The following FBLN1 variants were observed in gnomAD, a reference collection of about 807,000 sequenced individuals.
The protein encoded by FBLN1 is fibulin 1.
Under a neutral mutation model 89.7 loss-of-function variants are expected in FBLN1, and 34 were observed. The ratio of observed to expected loss-of-function variants is 0.38; its 90% CI spans 0.29 to 0.50. The LOEUF is 0.50. FBLN1 is among the 20% of genes least tolerant of loss of function. The pLI is 0.92. For missense variants in FBLN1, 777 were observed against 988.1 expected, an observed-to-expected ratio of 0.79 and a Z score of 2.86; for synonymous variants, 393 against 391.3, an observed-to-expected ratio of 1.00 and a Z score of -0.05.
rs545987013 is a variant in FBLN1 at position 45,538,377 on chromosome 22, C to T, written c.923-2852C>T. Among the ~76,000 whole-genome samples the T allele has an allele frequency of 9.8e-5, 15 of 152,330 alleles. 1 individual carries two copies. Among genetic ancestry groups the T allele is most frequent in the South Asian group, 8.3e-4 (4 of 4,832 alleles). Reference sequence around the variant, plus strand: ...ACAAAACCTAAGTGTAGGAAGTAAACGCTCCTCCCCTGGCCAATCCTGCCC... The same window carrying T: ...ACAAAACCTAAGTGTAGGAAGTAAATGCTCCTCCCCTGGCCAATCCTGCCC... On this transcript the variant is annotated intron_variant, in intron 8 of 16. Transcript: ENST00000327858.
intron 4 of FBLN1, 80 bp downstream of exon 4, chr22:45,528,089 G>C (rs147271119): frequency 2.6e-6 from 4 of 1,532,120 alleles, no homozygotes; most frequent in East Asian, 2.3e-5. Context: ...AGTGGAGAGA[G>C]AGAGATTTTA....
At chr22:45,507,677 G>A (rs892876171) in intron 1 of FBLN1, among the ~76,000 whole-genome samples, 10 of 151,996 alleles carry the variant, frequency 6.6e-5, no homozygotes, top group Admixed American at 2.6e-4. Context: ...ACAGGCATGC[G>A]CCACCACACC....
chr22:45,509,927 G>T (rs982644104), intron 1 of FBLN1, among the ~76,000 whole-genome samples: 7 of 152,126 alleles, frequency 4.6e-5, no homozygotes, highest in African/African-American at 9.7e-5. Flanking sequence ...GTGAGTCCGG[G>T]AGGCACACAG....
At position 45,519,087 on chromosome 22, in the gene FBLN1, A is replaced by G. The variant is rs117655959; in HGVS notation, c.185+300A>G. Among the ~76,000 whole-genome samples, 6,721 of 130,460 alleles carry G rather than the reference A, an allele frequency of 0.052. 208 individuals are homozygous for G. The highest frequency in any genetic ancestry group is 0.091 in the Middle Eastern group (23 of 252). 85.6% of individuals were successfully genotyped at this position (130,460 alleles called of 152,430 possible). ...TGTGGGCAAGTCAGTTTTCTCTTTT[A>G]AAAAAGGGGGGACAGTTGTGGGGGA... On this transcript the variant is annotated intron_variant, in intron 2 of 16. Coordinates refer to ENST00000327858, the MANE Select transcript of FBLN1 (RefSeq NM_006486.3).
rs1457902971 is a variant in FBLN1 at position 45,580,324 on chromosome 22, C to T, written c.1972+3216C>T. Among the ~76,000 whole-genome samples the T allele has an allele frequency of 6.6e-6, 1 of 152,136 alleles. No individual in the cohort carries two copies. Among genetic ancestry groups the T allele is most frequent in the Non-Finnish European group, 1.5e-5 (1 of 68,032 alleles). ...GTGCAGCTCTGTGCTGCCTGCAGCA[C>T]ACGGCAGGGAACGCCGCCTACTCAC... is the stretch of plus-strand genomic sequence containing the variant. On this transcript the variant is annotated intron_variant, in intron 16 of 16. Coordinates refer to ENST00000327858, the MANE Select transcript of FBLN1 (RefSeq NM_006486.3). This position sits in a 1 kb window ranked among gnomAD's most constrained non-coding sequence, Gnocchi z 8.6.
rs1350747843 is a variant in FBLN1 at position 45,550,910 on chromosome 22, CT to C, written c.1697+297del. The C allele has an allele frequency of 4.2e-6, 2 of 476,630 alleles. No homozygotes were observed. Among genetic ancestry groups the C allele is most frequent in the East Asian group, 8.2e-5 (2 of 24,284 alleles). The allele number at this position is 476,630 out of a possible 1,614,324, so 29.5% of individuals were successfully genotyped here. ...CCCTCTTTTTTCCTAGGGTGGAAGC[CT>C]TGGGCAAGCTCTCTGGGCCTCAGTT... On this transcript the variant is annotated intron_variant, in intron 14 of 16. Coordinates refer to ENST00000327858, the MANE Select transcript of FBLN1 (RefSeq NM_006486.3). The surrounding 1 kb of genome is among the most constrained non-coding windows in gnomAD (Gnocchi z 8.4).
chr22:45,534,295 A>C (rs1464187826), intron 7 of FBLN1, among the ~76,000 whole-genome samples: 1 of 3,898 alleles, frequency 2.6e-4, no homozygotes, highest in East Asian at 0.016. Context: ...CTTTCTACAA[A>C]AAAAAAAAAA....
rs755416957 is a variant in FBLN1 at position 45,533,836 on chromosome 22, G to T, written c.722G>T (p.Arg241Leu). 6.2e-6 allele frequency: 10 copies of T among 1,613,988 alleles called. No homozygotes were observed. The highest frequency in any genetic ancestry group is 7.6e-6 in the Non-Finnish European group (9 of 1,180,016). ...TGCATCAACACAGTGGGCTCTTTCC[G>T]CTGCCAGCGGGACAGCAGCTGCGGG... The part of the protein sequence containing the change: ...ESCINTVGSF[R>L]CQRDSSCGTG... Residue 241 changes from arginine to leucine, a missense_variant, in exon 7 of 17, where the codon CGC becomes CTC. By Grantham distance (102) the Arg-to-Leu change is moderately radical. Transcript: ENST00000327858.
In FBLN1 at chr22:45,577,473, C is replaced by T. The variant is rs1033780794; in HGVS notation, c.1972+365C>T. ...TGTCCTGAGGGCTGGCACAGTCCCG[C>T]GGTCGGTGGGAGCTAAGGGGATTGT... is the stretch of plus-strand genomic sequence containing the variant. On this transcript the variant is annotated intron_variant, in intron 16 of 16. Coordinates refer to ENST00000327858, the MANE Select transcript of FBLN1 (RefSeq NM_006486.3). The surrounding 1 kb of genome is among the most constrained non-coding windows in gnomAD (Gnocchi z 6.6). Among the ~76,000 whole-genome samples, 16 of 152,310 alleles carry T rather than the reference C, an allele frequency of 1.1e-4. No individual in the cohort carries two copies. The highest frequency in any genetic ancestry group is 2.2e-4 in the African/African-American group (9 of 41,568).
In FBLN1 at chr22:45,577,494, A is replaced by G. The variant is rs2089007817; in HGVS notation, c.1972+386A>G. Among the ~76,000 whole-genome samples, 1 of 151,804 alleles carries G rather than the reference A, an allele frequency of 6.6e-6. No individual in the cohort carries two copies. Among genetic ancestry groups the G allele is most frequent in the Admixed American group, 6.6e-5 (1 of 15,222 alleles). ...CCCGCGGTCGGTGGGAGCTAAGGGG[A>G]TTGTTATTCTTGGGGTGCAATGGGA... On this transcript the variant is annotated intron_variant, in intron 16 of 16. Transcript: ENST00000327858. This position sits in a 1 kb window ranked among gnomAD's most constrained non-coding sequence, Gnocchi z 6.6.
Position 45,545,506 on chromosome 22 carries a change from G to A in FBLN1, c.1322-1579G>A, listed in dbSNP as rs367795065. Reference sequence around the variant, plus strand: ...GTCATTCATAAATTGCTGAAAAGTCGGCATTCATATCCACATTAGTGGACA... The same window carrying A: ...GTCATTCATAAATTGCTGAAAAGTCAGCATTCATATCCACATTAGTGGACA... On this transcript the variant is annotated intron_variant, in intron 11 of 16. Coordinates refer to ENST00000327858, the MANE Select transcript of FBLN1 (RefSeq NM_006486.3). This position sits in a 1 kb window ranked among gnomAD's most constrained non-coding sequence, Gnocchi z 5.9. Among the ~76,000 whole-genome samples, 1 of 152,160 alleles carries A rather than the reference G, an allele frequency of 6.6e-6. No homozygotes were observed. Among genetic ancestry groups the A allele is most frequent in the East Asian group, 1.9e-4 (1 of 5,190 alleles).
Position 45,550,131 on chromosome 22 carries a change from T to C in FBLN1, c.1574-361T>C, listed in dbSNP as rs1055522911. 8.5e-5 allele frequency among the ~76,000 whole-genome samples: 13 copies of C among 152,140 alleles called. No homozygotes were observed. The highest frequency in any genetic ancestry group is 2.7e-4 in the African/African-American group (11 of 41,436). ...GTGACCTCAGGCAGGTCTCTTAAGC[T>C]CTGTGAGCTCCTCATAAAATGAGGA... is the stretch of plus-strand genomic sequence containing the variant. On this transcript the variant is annotated intron_variant, in intron 13 of 16. Transcript: ENST00000327858. The surrounding 1 kb of genome is among the most constrained non-coding windows in gnomAD (Gnocchi z 8.4).
At chr22:45,595,371 C>T (rs760403440) in intron 16 of FBLN1, among the ~76,000 whole-genome samples, 3 of 152,122 alleles carry the variant, frequency 2.0e-5, no homozygotes, top group Non-Finnish European at 4.4e-5. Flanking sequence ...GTTCAACCCT[C>T]GCAGCATCCC....
intron 8 of FBLN1, among the ~76,000 whole-genome samples, chr22:45,538,378 G>T (rs572295578): frequency 6.6e-6 from 1 of 152,114 alleles, no homozygotes; most frequent in Non-Finnish European, 1.5e-5. Context: ...GGAAGTAAAC[G>T]CTCCTCCCCT....
chr22:45,556,121 G>A lies in FBLN1; in HGVS notation c.1697+5506G>A, dbSNP rs1041845479. Among the ~76,000 whole-genome samples the A allele has an allele frequency of 2.6e-5, 4 of 152,120 alleles. No homozygotes were observed. Among genetic ancestry groups the A allele is most frequent in the African/African-American group, 7.2e-5 (3 of 41,424 alleles). On this transcript the variant is annotated intron_variant, in intron 14 of 16. Transcript: ENST00000327858. This position sits in a 1 kb window ranked among gnomAD's most constrained non-coding sequence, Gnocchi z 4.6. ...AGTGATTATCCTGCCTCAGCCTCCT[G>A]AGTAGCTGAGATTACAGGTGTGCAC...
At chr22:45,521,428 C>T (rs951078506) in intron 2 of FBLN1, among the ~76,000 whole-genome samples, 3 of 152,160 alleles carry the variant, frequency 2.0e-5, no homozygotes, top group African/African-American at 7.2e-5. Context: ...AGTGGACACA[C>T]AGGCCAGGGG....
chr22:45,586,698 A>G (rs1238167992), intron 16 of FBLN1, among the ~76,000 whole-genome samples: 2 of 152,214 alleles, frequency 1.3e-5, no homozygotes, highest in African/African-American at 4.8e-5. Flanking sequence ...GTGGGAAGAC[A>G]GGGACGCACA....
At chr22:45,599,092 C>T (rs971378577) in intron 16 of FBLN1, among the ~76,000 whole-genome samples, 1 of 152,194 alleles carries the variant, frequency 6.6e-6, no homozygotes, top group African/African-American at 2.4e-5. Context: ...CCCGCTAACC[C>T]GGATCCCCTG....
rs369516282 is a variant in FBLN1 at position 45,543,509 on chromosome 22, A to C, written c.1304A>C (p.Asp435Ala). The change falls in exon 11 of 17, where the codon GAT (aspartate) becomes GCT (alanine). Residue 435 changes from aspartate to alanine, a missense_variant. Asp to Ala is a moderately radical substitution (Grantham distance 126). Coordinates refer to ENST00000327858, the MANE Select transcript of FBLN1 (RefSeq NM_006486.3). The part of the protein sequence containing the change: ...SCSVGFRLSV[D>A]GRSCEDINEC... Reference sequence around the variant, plus strand: ...TCCGTGGGCTTCCGGCTCTCTGTGGATGGCAGGTCATGTGAAGGTGAGGCT... The same window carrying C: ...TCCGTGGGCTTCCGGCTCTCTGTGGCTGGCAGGTCATGTGAAGGTGAGGCT... The C allele has an allele frequency of 1.2e-6, 2 of 1,613,382 alleles. No individual in the cohort carries two copies. Among genetic ancestry groups the C allele is most frequent in the Non-Finnish European group, 1.7e-6 (2 of 1,179,938 alleles).
Sources: allele counts gnomAD v4.1 joint callset (sites outside exome capture counted in the v4.1 genomes callset), GRCh38; gene constraint gnomAD v4.1.1; non-coding constraint Gnocchi (gnomAD v3.1); transcripts MANE v1.5; gene names NCBI Gene and HGNC (gene_info 2026-07-23, HGNC 2026-07-21).